PRKG1: variants seen among roughly 807,000 people sequenced by gnomAD.
The protein encoded by PRKG1 is cGMP-dependent protein kinase 1.
Under a neutral mutation model 88.1 loss-of-function variants are expected in PRKG1, and 35 were observed. The ratio of observed to expected loss-of-function variants is 0.40; its 90% CI spans 0.30 to 0.53. The LOEUF (loss-of-function observed/expected upper bound fraction) is 0.53. Ranked by LOEUF, PRKG1 falls within the 20% of genes least tolerant of loss-of-function variation. PRKG1 has a pLI of 0.59. For missense variants in PRKG1, 540 were observed against 839.8 expected (o/e 0.64, Z 4.41); for synonymous variants, 303 against 292.5 (o/e 1.04, Z -0.37).
intron 5 of PRKG1, among the ~76,000 whole-genome samples, chr10:52,033,602 A>G (rs1185001938): frequency 6.6e-6 from 1 of 152,164 alleles, no homozygotes; most frequent in Non-Finnish European, 1.5e-5. Flanking sequence ...TGAGTCTACC[A>G]TTACAACTAC....
chr10:51,503,389 G>C (rs528045737), intron 3 of PRKG1, among the ~76,000 whole-genome samples: 1 of 152,248 alleles, frequency 6.6e-6, no homozygotes, highest in East Asian at 1.9e-4. Flanking sequence ...ACTCTTCAAA[G>C]AAAACCCCAT....
chr10:51,979,410 G>T (rs375265004), intron 5 of PRKG1, among the ~76,000 whole-genome samples: 195 of 47,024 alleles, frequency 4.1e-3, no homozygotes, highest in South Asian at 5.8e-3. Flanking sequence ...ATATTGGTCT[G>T]TTTTTTTTTT....
intron 2 of PRKG1, among the ~76,000 whole-genome samples, chr10:51,173,756 A>T (rs1034548514): frequency 1.3e-5 from 2 of 151,852 alleles, no homozygotes; most frequent in African/African-American, 4.8e-5. Flanking sequence ...TCATAAAATT[A>T]CTAGATTTAA....
intron 3 of PRKG1, among the ~76,000 whole-genome samples, chr10:51,762,121 C>T (rs1162795691): frequency 1.3e-5 from 2 of 152,158 alleles, no homozygotes; most frequent in Non-Finnish European, 2.9e-5. Flanking sequence ...TAAGAACATG[C>T]TATTGACCCT....
chr10:51,391,645 C>A (rs1837406833), intron 2 of PRKG1, among the ~76,000 whole-genome samples: 1 of 152,164 alleles, frequency 6.6e-6, no homozygotes, highest in Non-Finnish European at 1.5e-5. Context: ...AGGATTAGGG[C>A]TCATCAGAGC....
At chr10:51,267,038 C>T (rs1013707377) in intron 2 of PRKG1, among the ~76,000 whole-genome samples, 2 of 152,126 alleles carry the variant, frequency 1.3e-5, no homozygotes, top group African/African-American at 4.8e-5. Context: ...AATCAATGCT[C>T]GTCACCAACT....
chr10:51,267,900 G>A (rs1316960905), intron 2 of PRKG1, among the ~76,000 whole-genome samples: 2 of 152,132 alleles, frequency 1.3e-5, no homozygotes, highest in Non-Finnish European at 1.5e-5. Flanking sequence ...TCTGACAAAC[G>A]ACTAACATCC....
intron 12 of PRKG1, among the ~76,000 whole-genome samples, chr10:52,277,141 C>T (rs1024773360): frequency 3.9e-5 from 6 of 152,026 alleles, no homozygotes; most frequent in African/African-American, 1.4e-4. Flanking sequence ...CTAAGATGTA[C>T]AATTTGTGGT....
intron 3 of PRKG1, among the ~76,000 whole-genome samples, chr10:51,628,001 T>G (rs1839401257): frequency 1.9e-5 from 1 of 53,768 alleles, no homozygotes; most frequent in Non-Finnish European, 4.7e-5. Flanking sequence ...TCTCTCTCTC[T>G]CTCTCTCTCT....
At chr10:51,883,200 T>C (rs1398027165) in intron 4 of PRKG1, among the ~76,000 whole-genome samples, 2 of 152,196 alleles carry the variant, frequency 1.3e-5, no homozygotes, top group Non-Finnish European at 2.9e-5. Flanking sequence ...CTACAACTTA[T>C]ACCATTAGCT....
intron 3 of PRKG1, among the ~76,000 whole-genome samples, chr10:51,779,000 G>A (rs765988870): frequency 1.5e-4 from 23 of 152,074 alleles, no homozygotes; most frequent in Non-Finnish European, 2.8e-4. Context: ...AGAGGTATTC[G>A]GGTTTTCTCA....
intron 2 of PRKG1, among the ~76,000 whole-genome samples, chr10:51,165,510 ACAT>A (rs1427101384): frequency 1.3e-5 from 2 of 152,208 alleles, no homozygotes; most frequent in East Asian, 3.8e-4. Flanking sequence ...TAACCAGCTA[ACAT>A]CATAATGACA....
At chr10:51,834,722 GA>G (rs879876884) in intron 4 of PRKG1, among the ~76,000 whole-genome samples, 44 of 142,298 alleles carry the variant, frequency 3.1e-4, no homozygotes, top group Non-Finnish European at 5.7e-4. Flanking sequence ...GAAAGAGAAA[GA>G]AAAGAGAAAA....
chr10:51,645,454 TA>T (rs1286440477), intron 3 of PRKG1, among the ~76,000 whole-genome samples: 1 of 152,196 alleles, frequency 6.6e-6, no homozygotes, highest in Non-Finnish European at 1.5e-5. Context: ...TCATTTCTAA[TA>T]AATAGATGTA....
intron 3 of PRKG1, among the ~76,000 whole-genome samples, chr10:51,598,975 G>C (rs1158780956): frequency 6.6e-6 from 1 of 152,144 alleles, no homozygotes; most frequent in Non-Finnish European, 1.5e-5. Flanking sequence ...AGGGTTTCTA[G>C]AAGACAAACA....
intron 2 of PRKG1, among the ~76,000 whole-genome samples, chr10:51,374,437 T>C (rs1369219888): frequency 6.6e-6 from 1 of 152,038 alleles, no homozygotes; most frequent in East Asian, 1.9e-4. Context: ...TTTTTATGGC[T>C]GCAGAGTTAA....
intron 1 of PRKG1, among the ~76,000 whole-genome samples, chr10:51,058,097 C>T (rs188442121): frequency 1.5e-3 from 231 of 152,198 alleles, no homozygotes; most frequent in African/African-American, 5.4e-3. Context: ...TCCCTGATGA[C>T]TAACGAAATG....
chr10:51,887,204 C>T (rs118134113), intron 4 of PRKG1, among the ~76,000 whole-genome samples: 11 of 152,240 alleles, frequency 7.2e-5, no homozygotes, highest in South Asian at 2.1e-4. Context: ...AGGCTGGCCT[C>T]GAACGCCTGG....
At position 52,133,847 on chromosome 10, in the gene PRKG1, GT is replaced by G; in HGVS notation, c.944del (p.Val315GlyfsTer6). ...FGEKALQGED[V>X]RTANVIAAEA... ...TCTCTATTTTTCACATAGGGAAGAT[GT>G]GAGAACAGCAAACGTAATTGCTGCA... On this transcript the variant is annotated frameshift_variant, in exon 8 of 18. Coordinates refer to ENST00000373980, the MANE Select transcript of PRKG1 (RefSeq NM_006258.4). LOFTEE classifies it high-confidence loss of function. 6.2e-7 allele frequency: 1 copy of G among 1,612,824 alleles called. No homozygotes were observed. Among genetic ancestry groups the G allele is most frequent in the Non-Finnish European group, 8.5e-7 (1 of 1,179,112 alleles).
Sources: allele counts gnomAD v4.1 joint callset (sites outside exome capture counted in the v4.1 genomes callset), GRCh38; gene constraint gnomAD v4.1.1; transcripts MANE v1.5; gene names NCBI Gene and HGNC (gene_info 2026-07-23, HGNC 2026-07-21).